The following B3GALT1 variants were observed in gnomAD, a reference collection of about 807,000 sequenced individuals.
B3GALT1 encodes beta-1,3-galactosyltransferase 1.
Under a neutral mutation model 23.2 loss-of-function variants are expected in B3GALT1, and 10 were observed. The observed-to-expected ratio is 0.43, with a 90% CI of 0.27 to 0.73. The LOEUF (loss-of-function observed/expected upper bound fraction) is 0.73. B3GALT1 is among the 30% of genes least tolerant of loss of function. The pLI, the probability that B3GALT1 is intolerant of heterozygous loss-of-function variation, is 0.21. For missense variants in B3GALT1, 299 were observed against 405.4 expected, an observed-to-expected ratio of 0.74 and a Z score of 2.25; for synonymous variants, 156 against 141.5, an observed-to-expected ratio of 1.10 and a Z score of -0.73.
chr2:167,510,651 A>G (rs1699991291), intron 2 of B3GALT1, among the ~76,000 whole-genome samples: 1 of 152,060 alleles, frequency 6.6e-6, no homozygotes, highest in South Asian at 2.1e-4. Context: ...ATCAAAGATG[A>G]TTTTCAGGGT....
intron 2 of B3GALT1, among the ~76,000 whole-genome samples, chr2:167,563,412 G>C (rs1211630487): frequency 8.3e-6 from 1 of 120,828 alleles, no homozygotes; most frequent in East Asian, 2.7e-4. Context: ...GCGGGGGGCT[G>C]ACCCCTCCAC....
rs943512307 is a variant in B3GALT1, at chr2:167,646,905, A to G, written c.-409-4A>G. Reference sequence around the variant, plus strand: ...AATGTATTTTTTTTCTTCTCTTGAAAAAGTTCTCTTGCTGTGCTGCTGGGT... The same window carrying G: ...AATGTATTTTTTTTCTTCTCTTGAAGAAGTTCTCTTGCTGTGCTGCTGGGT... On this transcript the variant is annotated splice_region_variant and splice_polypyrimidine_tract_variant and intron_variant, in intron 2 of 4. Transcript: ENST00000392690. Among the ~76,000 whole-genome samples the G allele has an allele frequency of 5.3e-5, 8 of 152,226 alleles. No homozygotes were observed. Among genetic ancestry groups the G allele is most frequent in the Admixed American group, 1.3e-4 (2 of 15,276 alleles).
chr2:167,449,599 G>A (rs1699055447), intron 1 of B3GALT1, among the ~76,000 whole-genome samples: 1 of 152,040 alleles, frequency 6.6e-6, no homozygotes, highest in Non-Finnish European at 1.5e-5. Flanking sequence ...TTTCTTCTCT[G>A]ATTGCTCTGG....
chr2:167,835,809 G>C (rs573848112), intron 4 of B3GALT1, among the ~76,000 whole-genome samples: 1 of 152,138 alleles, frequency 6.6e-6, no homozygotes, highest in Non-Finnish European at 1.5e-5. Flanking sequence ...TCACACAGCC[G>C]GGTACTCCTC....
At chr2:167,725,910 G>A (rs1375297581) in intron 3 of B3GALT1, among the ~76,000 whole-genome samples, 1 of 152,164 alleles carries the variant, frequency 6.6e-6, no homozygotes, top group Non-Finnish European at 1.5e-5. Flanking sequence ...CTGTATAGAA[G>A]AACCAATTCA....
chr2:167,349,152 T>C (rs960209802), intron 1 of B3GALT1, among the ~76,000 whole-genome samples: 1 of 152,200 alleles, frequency 6.6e-6, no homozygotes, highest in African/African-American at 2.4e-5. Flanking sequence ...GCAACCATGG[T>C]GTGAAAATAT....
intron 4 of B3GALT1, among the ~76,000 whole-genome samples, chr2:167,867,019 T>C (rs546893824): frequency 9.2e-5 from 14 of 152,022 alleles, no homozygotes; most frequent in East Asian, 3.9e-4. Context: ...CTCCACCTCC[T>C]GGATTCAGGC....
intron 1 of B3GALT1, among the ~76,000 whole-genome samples, chr2:167,378,917 A>T (rs562561840): frequency 6.6e-6 from 1 of 152,290 alleles, no homozygotes; most frequent in East Asian, 1.9e-4. Context: ...AAATACTTGC[A>T]CTGGTTCCTT....
intron 2 of B3GALT1, among the ~76,000 whole-genome samples, chr2:167,614,099 G>T (rs1685115398): frequency 6.6e-6 from 1 of 151,568 alleles, no homozygotes; most frequent in South Asian, 2.1e-4. Flanking sequence ...GAAAAAAAGA[G>T]AAAAATTAAC....
chr2:167,741,040 T>C (rs1204396876), intron 3 of B3GALT1, among the ~76,000 whole-genome samples: 1 of 152,188 alleles, frequency 6.6e-6, no homozygotes, highest in African/African-American at 2.4e-5. Context: ...ATTGGAAAAG[T>C]AGCTTCCTTG....
intron 1 of B3GALT1, among the ~76,000 whole-genome samples, chr2:167,449,704 A>T (rs1699056933): frequency 6.6e-6 from 1 of 152,108 alleles, no homozygotes; most frequent in Non-Finnish European, 1.5e-5. Context: ...ACTTTTCCTC[A>T]TTCAGCATTA....
chr2:167,583,356 G>A lies in B3GALT1; in HGVS notation c.-409-63553G>A, dbSNP rs1684522632. Among the ~76,000 whole-genome samples the A allele has an allele frequency of 2.0e-5, 3 of 152,088 alleles. No homozygotes were observed. The South Asian group carries it at 6.2e-4, about 32-fold the overall frequency. ...TTTGGGAAAAAAAATGCTGTGATCT[G>A]TCATTTTCGTGATTAGAGGTTCTTG... On this transcript the variant is annotated intron_variant, in intron 2 of 4. Coordinates refer to ENST00000392690, the MANE Select transcript of B3GALT1 (RefSeq NM_020981.4).
chr2:167,678,719 G>T (rs142819764), intron 3 of B3GALT1, among the ~76,000 whole-genome samples: 6 of 152,206 alleles, frequency 3.9e-5, no homozygotes, highest in African/African-American at 7.2e-5. Context: ...AACTAAGAAG[G>T]CTAGATCACA....
intron 1 of B3GALT1, among the ~76,000 whole-genome samples, chr2:167,310,279 T>C (rs1696615736): frequency 6.6e-6 from 1 of 152,068 alleles, no homozygotes; most frequent in Non-Finnish European, 1.5e-5. Context: ...AGTATCTCCC[T>C]TGACAGTGTT....
intron 1 of B3GALT1, among the ~76,000 whole-genome samples, chr2:167,304,432 A>G (rs1055147004): frequency 6.6e-6 from 1 of 152,160 alleles, no homozygotes; most frequent in Non-Finnish European, 1.5e-5. Flanking sequence ...TCTCTTTACC[A>G]GTGGAAATAA....
intron 3 of B3GALT1, among the ~76,000 whole-genome samples, chr2:167,795,418 C>T (rs758187791): frequency 1.3e-5 from 2 of 152,124 alleles, no homozygotes; most frequent in African/African-American, 2.4e-5. Context: ...TCCTTTCTGC[C>T]CTGGTTAAAG....
chr2:167,749,322 G>C (rs144158460), intron 3 of B3GALT1, among the ~76,000 whole-genome samples: 1 of 152,234 alleles, frequency 6.6e-6, no homozygotes, highest in Non-Finnish European at 1.5e-5. Flanking sequence ...CTATGTGTCC[G>C]ATCTTCCTGC....
At chr2:167,513,691 T>C (rs917992248) in intron 2 of B3GALT1, among the ~76,000 whole-genome samples, 1 of 152,138 alleles carries the variant, frequency 6.6e-6, no homozygotes, top group South Asian at 2.1e-4. Flanking sequence ...CTGAAACTTA[T>C]GTGTAAGATA....
rs567301476 is a variant in B3GALT1, at chr2:167,667,187, T to G, written c.-352+20221T>G. 2.7e-3 allele frequency among the ~76,000 whole-genome samples: 406 copies of G among 152,176 alleles called. 1 individual carries two copies. The highest frequency in any genetic ancestry group is 4.0e-3 in the Non-Finnish European group (269 of 67,982). ...TCAGCATTTGCTTGTCTGTAAAGTA[T>G]TTTATTTCTCCTTCACTTATGAAGC... On this transcript the variant is annotated intron_variant, in intron 3 of 4. Coordinates refer to ENST00000392690, the MANE Select transcript of B3GALT1 (RefSeq NM_020981.4).
Sources: gnomAD v4.1 joint callset for allele counts (sites outside exome capture counted in the v4.1 genomes callset) on GRCh38, gnomAD v4.1.1 for gene constraint, MANE v1.5 for transcripts, NCBI Gene and HGNC (gene_info 2026-07-23, HGNC 2026-07-21) for gene names.